ELAPOR2: variants seen among roughly 807,000 people sequenced by gnomAD.
The protein encoded by ELAPOR2 is endosome/lysosome-associated apoptosis and autophagy regulator family member 2.
ELAPOR2 carries 89 observed loss-of-function variants against 120.7 expected under a neutral mutation model. That is an observed-to-expected ratio of 0.74 (90% CI 0.62 to 0.88). ELAPOR2 has a LOEUF of 0.88. Ranked by LOEUF, ELAPOR2 falls within the 40% of genes least tolerant of loss-of-function variation. ELAPOR2 has a pLI of 0.00. For synonymous variants in ELAPOR2, 444 were observed against 444.9 expected (o/e 1.00, Z 0.03); for missense variants, 1,134 against 1,251.6 (o/e 0.91, Z 1.42).
intron 18 of ELAPOR2, 102 bp from the exon 19 acceptor site, chr7:86,897,734 C>T: frequency 7.6e-7 from 1 of 1,321,142 alleles, no homozygotes; most frequent in Non-Finnish European, 1.0e-6. Context: ...CTGGGGAGCA[C>T]TGTGTGGATG....
intron 1 of ELAPOR2, among the ~76,000 whole-genome samples, chr7:87,019,388 T>C (rs1391077517): frequency 6.6e-6 from 1 of 152,120 alleles, no homozygotes; most frequent in African/African-American, 2.4e-5. Context: ...GGTCTTGAAC[T>C]CCTGGGCTCA....
intron 1 of ELAPOR2, among the ~76,000 whole-genome samples, chr7:87,039,096 G>T (rs558324236): frequency 3.0e-4 from 45 of 152,026 alleles, no homozygotes; most frequent in African/African-American, 1.0e-3. Context: ...AACTGATACT[G>T]CAGAAATGCA....
At chr7:87,057,564 T>C (rs1392249854) in intron 1 of ELAPOR2, among the ~76,000 whole-genome samples, 1 of 152,250 alleles carries the variant, frequency 6.6e-6, no homozygotes, top group Non-Finnish European at 1.5e-5. Context: ...ATTTCAGATC[T>C]CAACGGATGA....
At chr7:86,957,912 A>G (rs1791540364) in intron 2 of ELAPOR2, among the ~76,000 whole-genome samples, 1 of 152,188 alleles carries the variant, frequency 6.6e-6, no homozygotes, top group Non-Finnish European at 1.5e-5. Flanking sequence ...TGAGAATACA[A>G]TCTATAAAGA....
intron 1 of ELAPOR2, among the ~76,000 whole-genome samples, chr7:87,027,718 C>A (rs1354986343): frequency 2.0e-5 from 3 of 152,136 alleles, no homozygotes; most frequent in African/African-American, 7.2e-5. Flanking sequence ...AAGCCTGGAA[C>A]AGATCCTTCT....
At chr7:86,922,589 A>T (rs772021653) in intron 10 of ELAPOR2, among the ~76,000 whole-genome samples, 1 of 151,954 alleles carries the variant, frequency 6.6e-6, no homozygotes, top group African/African-American at 2.4e-5. Context: ...TTATAAATTA[A>T]CATTATTTCA....
At chr7:87,035,044 C>T (rs996743660) in intron 1 of ELAPOR2, among the ~76,000 whole-genome samples, 15 of 151,088 alleles carry the variant, frequency 9.9e-5, no homozygotes, top group Admixed American at 5.9e-4. Context: ...CAAGATAGCA[C>T]CACTACACTC....
chr7:86,884,944 A>C (rs993141983), intron 21 of ELAPOR2, among the ~76,000 whole-genome samples: 2 of 152,212 alleles, frequency 1.3e-5, no homozygotes, highest in African/African-American at 4.8e-5. Flanking sequence ...TGACTACAAT[A>C]CAGAGAGCTT....
intron 12 of ELAPOR2, among the ~76,000 whole-genome samples, chr7:86,917,398 C>G (rs1379544459): frequency 6.6e-6 from 1 of 152,060 alleles, no homozygotes; most frequent in Non-Finnish European, 1.5e-5. Flanking sequence ...GCCTGGGCAA[C>G]AGAGTGAGAC....
chr7:86,925,946 G>A (rs937899606), intron 9 of ELAPOR2, among the ~76,000 whole-genome samples: 8 of 151,964 alleles, frequency 5.3e-5, no homozygotes, highest in African/African-American at 1.7e-4. Flanking sequence ...GGGAGTAGCT[G>A]CTAATACTTA....
At chr7:86,991,244 T>C (rs1481644119) in intron 1 of ELAPOR2, among the ~76,000 whole-genome samples, 1 of 152,202 alleles carries the variant, frequency 6.6e-6, no homozygotes, top group Non-Finnish European at 1.5e-5. Context: ...AGGTGATTGA[T>C]GTATCAGGTG....
chr7:86,990,577 G>T (rs1792911873), intron 1 of ELAPOR2, among the ~76,000 whole-genome samples: 1 of 152,054 alleles, frequency 6.6e-6, no homozygotes, highest in Admixed American at 6.5e-5. Flanking sequence ...AACTAAAAGA[G>T]TTCATTTCTT....
chr7:87,051,372 A>G (rs1255933433), intron 1 of ELAPOR2, among the ~76,000 whole-genome samples: 1 of 152,166 alleles, frequency 6.6e-6, no homozygotes, highest in Non-Finnish European at 1.5e-5. Context: ...TAGAAAAAGT[A>G]CTCCTATAAA....
intron 1 of ELAPOR2, among the ~76,000 whole-genome samples, chr7:87,019,228 A>G (rs1793964711): frequency 6.6e-6 from 1 of 152,312 alleles, no homozygotes; most frequent in Middle Eastern, 3.4e-3. Context: ...TTGTAGCACA[A>G]TCGCAGCTCA....
Position 86,926,818 on chromosome 7 carries a change from C to A in ELAPOR2, c.1188G>T (p.Pro396=). 2 of 1,608,038 alleles carry A rather than the reference C, an allele frequency of 1.2e-6. No individual in the cohort carries two copies. Among genetic ancestry groups the A allele is most frequent in the Non-Finnish European group, 1.7e-6 (2 of 1,177,538 alleles). ...LPPSGEKKDC[P]PCNPGFYNNG... is the part of the protein sequence containing the mutation. ...TGTTATAAAATCCAGGGTTGCAAGG[C>A]GGACAATCCTTCTTCTCTCCAGAAG... Residue 396 remains proline, a synonymous_variant, in exon 9 of 22, where the codon CCG becomes CCT. Coordinates refer to ENST00000450689, the MANE Select transcript of ELAPOR2 (RefSeq NM_001142749.3).
intron 1 of ELAPOR2, among the ~76,000 whole-genome samples, chr7:87,021,642 C>T (rs1202293747): frequency 6.6e-6 from 1 of 152,104 alleles, no homozygotes; most frequent in Non-Finnish European, 1.5e-5. Context: ...TATTTTAAAG[C>T]TCTTGATAAA....
intron 18 of ELAPOR2, among the ~76,000 whole-genome samples, chr7:86,904,318 A>C (rs1204491931): frequency 1.3e-5 from 2 of 152,226 alleles, no homozygotes; most frequent in African/African-American, 4.8e-5. Context: ...CAATAAAAGG[A>C]GAGCCTTCAG....
chr7:86,919,152 T>A lies in ELAPOR2; in HGVS notation c.1490+68A>T, dbSNP rs573064236. On this transcript the variant is annotated intron_variant, in intron 11 of 21. Transcript: ENST00000450689. The stretch of plus-strand genomic sequence containing the variant: ...AATATGTTCCATAAAGTAGCCCTAC[T>A]TCTTTATTTCTGTGGGGAAACAGGT... The A allele has an allele frequency of 4.2e-5, 48 of 1,143,230 alleles. No individual in the cohort carries two copies. In the East Asian group the frequency reaches 1.1e-3, roughly 27 times the overall value. The allele number at this position is 1,143,230 out of a possible 1,614,324, so 70.8% of individuals were successfully genotyped here. A position where few individuals can be genotyped will look rare whatever the true frequency, so the allele number is the denominator to read the frequency against.
intron 1 of ELAPOR2, among the ~76,000 whole-genome samples, chr7:86,975,675 G>C (rs935740647): frequency 6.6e-6 from 1 of 152,126 alleles, no homozygotes; most frequent in African/African-American, 2.4e-5. Flanking sequence ...CATGCTATCT[G>C]GACAGTCACA....
Sources: allele counts gnomAD v4.1 joint callset (sites outside exome capture counted in the v4.1 genomes callset), GRCh38; gene constraint gnomAD v4.1.1; transcripts MANE v1.5; gene names NCBI Gene and HGNC (gene_info 2026-07-23, HGNC 2026-07-21).